TMEM245: variants seen among roughly 807,000 people sequenced by gnomAD.
TMEM245 encodes transmembrane protein 245, also known as protein CG-2.
In TMEM245, 69 loss-of-function variants were observed where a neutral mutation model predicts 101.2. The ratio of observed to expected loss-of-function variants is 0.68; its 90% CI spans 0.56 to 0.83. The LOEUF (loss-of-function observed/expected upper bound fraction) is 0.83. TMEM245 is among the 40% of genes least tolerant of loss of function. The probability of loss-of-function intolerance (pLI) is 0.00; values close to 1 mark genes in which losing one functional copy is unlikely to be tolerated. For missense variants in TMEM245, 1,075 were observed against 1,092.8 expected (o/e 0.98, Z 0.23); for synonymous variants, 537 against 449.8 (o/e 1.19, Z -2.45).
At chr9:109,045,623 G>A (rs1828466337) in intron 14 of TMEM245, among the ~76,000 whole-genome samples, 1 of 152,154 alleles carries the variant, frequency 6.6e-6, no homozygotes, top group Non-Finnish European at 1.5e-5. Context: ...AATAGTAAAC[G>A]TGTATTTCAA....
rs1827561229 is a variant in TMEM245 at position 109,019,686 on chromosome 9, C to G, written c.*774G>C. On this transcript the variant is annotated 3_prime_UTR_variant, in exon 18 of 18. Coordinates refer to ENST00000374586, the MANE Select transcript of TMEM245 (RefSeq NM_032012.4). ...ACCTGAGATTTTTCACTTCAACCACCTGGAAGGAGAAAACCTAATAACAGC... is the reference window on the plus strand; with the variant it reads ...ACCTGAGATTTTTCACTTCAACCACGTGGAAGGAGAAAACCTAATAACAGC... 1.3e-5 allele frequency: 2 copies of G among 152,682 alleles called. No homozygotes were observed. The highest frequency in any genetic ancestry group is 2.1e-4 in the South Asian group (1 of 4,826). The allele number at this position is 152,682 out of a possible 1,614,324, so 9.5% of individuals were successfully genotyped here.
In TMEM245 at chr9:109,016,709, A is replaced by G. The variant is rs959679992; in HGVS notation, c.*3751T>C. The G allele has an allele frequency of 7.3e-5, 11 of 150,832 alleles. No individual in the cohort carries two copies. Among genetic ancestry groups the G allele is most frequent in the Non-Finnish European group, 1.5e-5 (1 of 67,830 alleles). The allele number at this position is 150,832 out of a possible 1,614,324, so 9.3% of individuals were successfully genotyped here. Reference sequence around the variant, plus strand: ...GTTCCCAATAATCGGTAAGTTAATAAAATGAATATATTTTGATGGCAGAAT... The same window carrying G: ...GTTCCCAATAATCGGTAAGTTAATAGAATGAATATATTTTGATGGCAGAAT... On this transcript the variant is annotated 3_prime_UTR_variant, in exon 18 of 18. Transcript: ENST00000374586.
At chr9:109,101,202 T>G (rs948823680) in intron 3 of TMEM245, among the ~76,000 whole-genome samples, 9 of 152,172 alleles carry the variant, frequency 5.9e-5, no homozygotes, top group African/African-American at 2.2e-4. Context: ...TCTGATGAAA[T>G]CCAGGACTAA....
intron 17 of TMEM245, 93 bp downstream of exon 17, chr9:109,033,214 T>C (rs1341776704): frequency 1.5e-6 from 2 of 1,331,714 alleles, no homozygotes; most frequent in Admixed American, 2.5e-5. Context: ...AATACCTTTA[T>C]CCTGACAAGT....
intron 7 of TMEM245, 120 bp from the exon 8 acceptor site, chr9:109,081,063 ATAAT>A: frequency 1.5e-6 from 1 of 651,342 alleles, no homozygotes; most frequent in Non-Finnish European, 2.7e-6. Flanking sequence ...TTATGGCATA[ATAAT>A]TAAAGCAATA....
In TMEM245 at chr9:109,106,456, A is replaced by G. The variant is rs1830426825; in HGVS notation, c.799+52T>C. On this transcript the variant is annotated intron_variant, in intron 3 of 17. Coordinates refer to ENST00000374586, the MANE Select transcript of TMEM245 (RefSeq NM_032012.4). ...TCATCATAGCATTTTTTAAAAAGCT[A>G]CTCTCCAAAATACTTCAAAGAGTAG... 5.9e-6 allele frequency: 7 copies of G among 1,183,116 alleles called. No individual in the cohort carries two copies. In the East Asian group the frequency reaches 1.7e-4, roughly 29 times the overall value. The allele number at this position is 1,183,116 out of a possible 1,614,324, so 73.3% of individuals were successfully genotyped here.
intron 1 of TMEM245, among the ~76,000 whole-genome samples, chr9:109,110,563 T>C (rs953290414): frequency 1.2e-5 from 1 of 83,816 alleles, no homozygotes; most frequent in African/African-American, 4.0e-5. Flanking sequence ...CTACAACTTG[T>C]TGAAATTAAA....
intron 11 of TMEM245, among the ~76,000 whole-genome samples, chr9:109,057,880 A>G (rs1420647850): frequency 6.7e-6 from 1 of 149,218 alleles, no homozygotes; most frequent in African/African-American, 2.5e-5. Context: ...TTGCAAAGAC[A>G]TCTTATTTCT....
At chr9:109,089,230 T>C (rs1259315201) in intron 5 of TMEM245, among the ~76,000 whole-genome samples, 3 of 136,404 alleles carry the variant, frequency 2.2e-5, no homozygotes, top group Non-Finnish European at 5.1e-5. Context: ...TGAGACCTTG[T>C]CTCAAAAAAA....
Position 109,036,210 on chromosome 9 carries a change from A to G in TMEM245, c.2395T>C (p.Ser799Pro), listed in dbSNP as rs1828117439. 3.8e-6 allele frequency: 6 copies of G among 1,596,570 alleles called. No homozygotes were observed. The highest frequency in any genetic ancestry group is 3.4e-5 in the South Asian group (3 of 87,394). Residue 799 changes from serine (S) to proline (P), a missense_variant, in exon 16 of 18, where the codon TCA (serine) becomes CCA (proline). Ser to Pro is a moderately conservative substitution (Grantham distance 74). Coordinates refer to ENST00000374586, the MANE Select transcript of TMEM245 (RefSeq NM_032012.4). ...GAAATTCTGTGGCTTACTTACCCTG[A>G]TATGTCAGAGTAGATTGCAGTATCT... ...FVDTAIYSDI[S>P]GGGHPYLTGL...
intron 5 of TMEM245, 52 bp downstream of exon 5, chr9:109,090,870 A>G: frequency 6.5e-7 from 1 of 1,537,542 alleles, no homozygotes; most frequent in Non-Finnish European, 8.8e-7. Context: ...TAAAAAAAGA[A>G]AAAAATCAAT....
At chr9:109,065,149 GGT>G (rs1404626858) in intron 9 of TMEM245, among the ~76,000 whole-genome samples, 12 of 152,126 alleles carry the variant, frequency 7.9e-5, no homozygotes, top group Admixed American at 7.2e-4. Flanking sequence ...TACTCTGCCT[GGT>G]TTCTCTGTTC....
chr9:109,036,181 A>G, intron 16 of TMEM245, 25 bp downstream of exon 16: 3 of 1,540,696 alleles, frequency 1.9e-6, no homozygotes, highest in Non-Finnish European at 2.6e-6. Flanking sequence ...TGATTCACTA[A>G]TAAGAAATTC....
chr9:109,073,777 T>C (rs879654193), intron 8 of TMEM245, among the ~76,000 whole-genome samples: 12 of 151,878 alleles, frequency 7.9e-5, no homozygotes, highest in Admixed American at 7.9e-4. Context: ...ATGTAAGCAA[T>C]ATCAGCACTT....
At chr9:109,056,445 A>T (rs1221678784) in intron 12 of TMEM245, among the ~76,000 whole-genome samples, 3 of 145,136 alleles carry the variant, frequency 2.1e-5, no homozygotes, top group Non-Finnish European at 3.0e-5. Context: ...AAATGCAAAA[A>T]AAAAAAAAAA....
chr9:109,070,596 A>G (rs1242877233), intron 9 of TMEM245, among the ~76,000 whole-genome samples: 1 of 152,192 alleles, frequency 6.6e-6, no homozygotes, highest in African/African-American at 2.4e-5. Context: ...TACATCTTGT[A>G]TACCTTCAAT....
intron 8 of TMEM245, among the ~76,000 whole-genome samples, chr9:109,073,963 C>T (rs530410507): frequency 1.3e-3 from 198 of 149,648 alleles, no homozygotes; most frequent in African/African-American, 4.7e-3. Flanking sequence ...CACGTTCAAG[C>T]GATTCTCGTG....
intron 9 of TMEM245, among the ~76,000 whole-genome samples, chr9:109,068,512 G>A (rs1033374155): frequency 3.4e-4 from 52 of 152,022 alleles, no homozygotes; most frequent in Middle Eastern, 3.4e-3. Flanking sequence ...ATGGTAGTGC[G>A]TACATGACTG....
At chr9:109,036,156 AC>A (rs1273649661) in intron 16 of TMEM245, 49 bp downstream of exon 16, 11 of 1,441,988 alleles carry the variant, frequency 7.6e-6, no homozygotes, top group South Asian at 4.7e-5. Context: ...AAAAAAAAAA[AC>A]GGAAATGCCT....
Sources: allele counts gnomAD v4.1 joint callset (sites outside exome capture counted in the v4.1 genomes callset), GRCh38; gene constraint gnomAD v4.1.1; transcripts MANE v1.5; gene names NCBI Gene and HGNC (gene_info 2026-07-23, HGNC 2026-07-21).